Variants in PRPS1 observed in about 807,000 individuals in gnomAD.
PRPS1 encodes phosphoribosyl pyrophosphate synthetase 1.
A neutral mutation model predicts 16.9 loss-of-function variants in PRPS1; 1 was observed. That is an observed-to-expected ratio of 0.06 (90% CI 0.02 to 0.28). The LOEUF (loss-of-function observed/expected upper bound fraction) is 0.28. PRPS1 is among the 10% of genes least tolerant of loss of function. PRPS1 has a pLI of 1.00. For missense variants in PRPS1, 47 were observed against 254.0 expected, an observed-to-expected ratio of 0.19 and a Z score of 5.54; for synonymous variants, 70 against 90.2, an observed-to-expected ratio of 0.78 and a Z score of 1.27.
intron 1 of PRPS1, among the ~76,000 whole-genome samples, chrX:107,631,468 G>A (rs1286383441): frequency 3.6e-5 from 4 of 111,442 alleles, no homozygotes; most frequent in Non-Finnish European, 7.5e-5. Flanking sequence ...ATTCTTATTG[G>A]ACATTTCCAG....
chrX:107,640,530 T>G (rs892804043), intron 2 of PRPS1, among the ~76,000 whole-genome samples: 1 of 112,157 alleles, frequency 8.9e-6, no homozygotes, highest in African/African-American at 3.2e-5. Context: ...ACATGTTAGG[T>G]GTTAAAGGTT....
chrX:107,633,421 CA>C (rs1182721428), intron 1 of PRPS1, among the ~76,000 whole-genome samples: 700 of 32,922 alleles, frequency 0.021, 4 homozygotes, highest in Non-Finnish European at 0.024. Context: ...GACTCCATCT[CA>C]AAAAAAAAAA....
At chrX:107,634,473 T>C (rs1925381186) in intron 1 of PRPS1, among the ~76,000 whole-genome samples, 1 of 108,781 alleles carries the variant, frequency 9.2e-6, no homozygotes, top group African/African-American at 3.4e-5. Flanking sequence ...CCTCAGGTGA[T>C]CTGCCCACCT....
rs1245389392 is a variant in PRPS1 at position 107,628,540 on chromosome X, C to T, written c.-89C>T. 6 of 1,197,065 alleles carry T rather than the reference C, an allele frequency of 5.0e-6. No homozygotes were observed. The African/African-American group carries it at 7.0e-5, about 14-fold the overall frequency. ...AAGATGGCGGAGTAGCAACGCAAAG[C>T]GCTTGGTATTGAGTCTGTGGCCGAC... On this transcript the variant is annotated 5_prime_UTR_variant, in exon 1 of 7. Coordinates refer to ENST00000372435, the MANE Select transcript of PRPS1 (RefSeq NM_002764.4).
At position 107,642,452 on chromosome X, in the gene PRPS1, C is replaced by T. The variant is rs776308065; in HGVS notation, c.492C>T (p.Asn164=). The change falls in exon 4 of 7, where the codon AAC becomes AAT. Residue 164 remains asparagine, a synonymous_variant. Transcript: ENST00000372435. ...WIRENISEWR[N]CTIVSPDAGG... ...GGGAGAATATCTCTGAGTGGAGGAA[C>T]TGCACTATTGTCTCACCTGATGCTG... is the stretch of plus-strand genomic sequence containing the variant. 1.7e-6 allele frequency: 2 copies of T among 1,211,588 alleles called. No homozygotes were observed. Among genetic ancestry groups the T allele is most frequent in the East Asian group, 3.0e-5 (1 of 33,850 alleles).
chrX:107,637,073 ATGT>A (rs757643117), intron 1 of PRPS1, among the ~76,000 whole-genome samples: 192 of 112,579 alleles, frequency 1.7e-3, no homozygotes, highest in Middle Eastern at 9.2e-3. Flanking sequence ...TTGGAATATA[ATGT>A]TGTTTGAGGT....
chrX:107,648,601 C>T (rs1019285754), intron 6 of PRPS1, among the ~76,000 whole-genome samples: 4 of 107,718 alleles, frequency 3.7e-5, no homozygotes, highest in East Asian at 5.9e-4. Flanking sequence ...TGTGTAGAGA[C>T]GGGGTCTCCC....
intron 4 of PRPS1, 159 bp downstream of exon 4, chrX:107,642,649 CT>C: frequency 1.6e-6 from 1 of 613,812 alleles, no homozygotes; most frequent in Non-Finnish European, 2.5e-6. Context: ...ACCCTTTCCT[CT>C]TTTACTGTCC....
Position 107,650,239 on chromosome X carries a change from G to C in PRPS1, c.*207G>C, listed in dbSNP as rs1925799580. The C allele has an allele frequency of 2.9e-6, 2 of 696,444 alleles. No individual in the cohort carries two copies. Among genetic ancestry groups the C allele is most frequent in the Admixed American group, 3.7e-5 (1 of 27,316 alleles). 57.4% of individuals were successfully genotyped at this position (696,444 alleles called of 1,213,427 possible). A position where few individuals can be genotyped will look rare whatever the true frequency, so the allele number is the denominator to read the frequency against. ...CTCCTACCTGCATTATCTCATTCTG[G>C]CTTCCTTGATAATTCTGTGGGCCTT... On this transcript the variant is annotated 3_prime_UTR_variant, in exon 7 of 7. Transcript: ENST00000372435.
At chrX:107,638,965 C>T (rs1281170648) in intron 1 of PRPS1, among the ~76,000 whole-genome samples, 1 of 111,748 alleles carries the variant, frequency 8.9e-6, no homozygotes, top group Non-Finnish European at 1.9e-5. Flanking sequence ...GAACTCCTGA[C>T]TTCAAGTGAT....
chrX:107,643,855 G>A (rs1925630607), intron 4 of PRPS1, among the ~76,000 whole-genome samples: 2 of 111,711 alleles, frequency 1.8e-5, no homozygotes, highest in Non-Finnish European at 3.8e-5. Flanking sequence ...TTTAGATCAA[G>A]GTACAAATGT....
chrX:107,637,748 A>G (rs1925473445), intron 1 of PRPS1, among the ~76,000 whole-genome samples: 1 of 109,274 alleles, frequency 9.2e-6, no homozygotes, highest in Non-Finnish European at 1.9e-5. Flanking sequence ...AGGCTCCTTC[A>G]GAGGATCTCC....
At chrX:107,636,635 C>T (rs1389055379) in intron 1 of PRPS1, 1 of 112,033 alleles carries the variant, frequency 8.9e-6, no homozygotes, top group African/African-American at 3.2e-5. Context: ...CTCCTGGGCT[C>T]AAGCAGTCCT....
chrX:107,648,533 C>G (rs2078230386), intron 6 of PRPS1, among the ~76,000 whole-genome samples: 1 of 107,783 alleles, frequency 9.3e-6, no homozygotes, highest in South Asian at 4.1e-4. Context: ...ATCATCCTGT[C>G]TCAGCCTCCC....
intron 3 of PRPS1, among the ~76,000 whole-genome samples, chrX:107,641,410 C>T (rs1346877217): frequency 1.8e-5 from 2 of 111,839 alleles, no homozygotes; most frequent in Non-Finnish European, 3.8e-5. Flanking sequence ...TCATGGAGTG[C>T]AGTGGCACGA....
chrX:107,636,634 T>C (rs1400071400), intron 1 of PRPS1: 1 of 112,159 alleles, frequency 8.9e-6, no homozygotes, highest in Non-Finnish European at 1.9e-5. Context: ...ACTCCTGGGC[T>C]CAAGCAGTCC....
At chrX:107,634,984 C>T (rs969699405) in intron 1 of PRPS1, among the ~76,000 whole-genome samples, 5 of 109,684 alleles carry the variant, frequency 4.6e-5, no homozygotes, top group East Asian at 2.9e-4. Context: ...GGACTACAGG[C>T]GCCCGCCACC....
intron 4 of PRPS1, among the ~76,000 whole-genome samples, chrX:107,644,232 C>A (rs1261571404): frequency 8.9e-6 from 1 of 111,803 alleles, no homozygotes; most frequent in African/African-American, 3.2e-5. Context: ...TACTTTGGAC[C>A]GAATGGTGAG....
chrX:107,635,943 C>G (rs1230010002), intron 1 of PRPS1, among the ~76,000 whole-genome samples: 3 of 107,257 alleles, frequency 2.8e-5, no homozygotes, highest in Non-Finnish European at 5.8e-5. Context: ...GGCTGTAGTT[C>G]CAGCTACTCG....
Sources: gnomAD v4.1 joint callset for allele counts (sites outside exome capture counted in the v4.1 genomes callset) on GRCh38, gnomAD v4.1.1 for gene constraint, MANE v1.5 for transcripts, NCBI Gene and HGNC (gene_info 2026-07-23, HGNC 2026-07-21) for gene names.